The following CHRM2 variants were observed in gnomAD, a reference collection of about 807,000 sequenced individuals.
CHRM2 encodes muscarinic acetylcholine receptor M2.
A neutral mutation model predicts 25.0 loss-of-function variants in CHRM2; 8 were observed. The observed-to-expected ratio is 0.32, with a 90% CI of 0.19 to 0.58. The LOEUF (loss-of-function observed/expected upper bound fraction) is 0.58, where lower values mean the gene tolerates loss of function less well. CHRM2 is among the 20% of genes least tolerant of loss of function. The pLI, the probability that CHRM2 is intolerant of heterozygous loss-of-function variation, is 0.88. For missense variants in CHRM2, 440 were observed against 567.1 expected (o/e 0.78, Z 2.28); for synonymous variants, 202 against 205.7 (o/e 0.98, Z 0.15).
chr7:136,894,983 G>T (rs1294371555), intron 2 of CHRM2, among the ~76,000 whole-genome samples: 2 of 151,996 alleles, frequency 1.3e-5, no homozygotes, highest in Non-Finnish European at 2.9e-5. Context: ...TTTCCCCCGA[G>T]TCAGCATTCT....
At chr7:136,885,916 A>G (rs1796444963) in intron 2 of CHRM2, among the ~76,000 whole-genome samples, 1 of 152,168 alleles carries the variant, frequency 6.6e-6, no homozygotes, top group South Asian at 2.1e-4. Context: ...GAACATTCAG[A>G]GTCCCGTACG....
chr7:136,891,683 T>G (rs1463047499), intron 2 of CHRM2, among the ~76,000 whole-genome samples: 1 of 152,210 alleles, frequency 6.6e-6, no homozygotes, highest in African/African-American at 2.4e-5. Context: ...TACACTTGTT[T>G]GCCTTTATGT....
At chr7:136,887,832 T>C (rs776128967) in intron 2 of CHRM2, among the ~76,000 whole-genome samples, 1 of 152,162 alleles carries the variant, frequency 6.6e-6, no homozygotes, top group Non-Finnish European at 1.5e-5. Flanking sequence ...CTTGAAAATG[T>C]CTTGTGATCA....
chr7:136,944,220 C>T (rs536075263), intron 2 of CHRM2, among the ~76,000 whole-genome samples: 1 of 152,054 alleles, frequency 6.6e-6, no homozygotes, highest in African/African-American at 2.4e-5. Context: ...CCCAATGTGT[C>T]GTCTTTTATT....
At chr7:136,979,796 T>C (rs1049363544) in intron 2 of CHRM2, among the ~76,000 whole-genome samples, 3 of 152,160 alleles carry the variant, frequency 2.0e-5, no homozygotes, top group Non-Finnish European at 2.9e-5. Context: ...TTCTGTTCCA[T>C]TGGTCTATAT....
intron 3 of CHRM2, among the ~76,000 whole-genome samples, chr7:136,993,884 T>C (rs573860929): frequency 1.3e-5 from 2 of 152,168 alleles, no homozygotes; most frequent in South Asian, 2.1e-4. Context: ...ATAGAAATCA[T>C]AGCCATCAAC....
chr7:136,885,104 A>C (rs138079453), intron 2 of CHRM2, among the ~76,000 whole-genome samples: 1 of 152,240 alleles, frequency 6.6e-6, no homozygotes, highest in African/African-American at 2.4e-5. Flanking sequence ...ACTTGCTTCA[A>C]TCTTTTTAGA....
intron 3 of CHRM2, among the ~76,000 whole-genome samples, chr7:136,993,572 G>C (rs1169142956): frequency 6.6e-6 from 1 of 152,200 alleles, no homozygotes; most frequent in African/African-American, 2.4e-5. Context: ...AGAAGTGCCA[G>C]AGATGGCCAT....
At chr7:136,886,271 G>A (rs565714883) in intron 2 of CHRM2, among the ~76,000 whole-genome samples, 1 of 152,320 alleles carries the variant, frequency 6.6e-6, no homozygotes, top group African/African-American at 2.4e-5. Context: ...AAAACACCGA[G>A]TGATAGTTCT....
intron 3 of CHRM2, among the ~76,000 whole-genome samples, chr7:136,999,929 GTTA>G (rs1803873180): frequency 6.6e-6 from 1 of 152,022 alleles, no homozygotes; most frequent in Non-Finnish European, 1.5e-5. Flanking sequence ...CATGAAAATT[GTTA>G]TTATATGGAA....
rs1805293600 is a variant in CHRM2, at chr7:137,018,585, G to A, written c.*2319G>A. ...GGCTTCAGTTGGGAAGAACCCTTTG[G>A]CATCCAGGATTCAGGATTCAGGGTC... On this transcript the variant is annotated 3_prime_UTR_variant, in exon 4 of 4. Coordinates refer to ENST00000680005, the MANE Select transcript of CHRM2 (RefSeq NM_001006630.2). 1 of 151,704 alleles carries A rather than the reference G, an allele frequency of 6.6e-6. No individual in the cohort carries two copies. The highest frequency in any genetic ancestry group is 2.1e-4 in the South Asian group (1 of 4,824). The allele number at this position is 151,704 out of a possible 1,614,324, so 9.4% of individuals were successfully genotyped here. A position where few individuals can be genotyped will look rare whatever the true frequency, so the allele number is the denominator to read the frequency against.
At chr7:136,956,929 G>A (rs924744999) in intron 2 of CHRM2, among the ~76,000 whole-genome samples, 5 of 151,928 alleles carry the variant, frequency 3.3e-5, no homozygotes, top group Non-Finnish European at 5.9e-5. Flanking sequence ...TAGCAAACAC[G>A]CTTGAAGGCT....
intron 2 of CHRM2, among the ~76,000 whole-genome samples, chr7:136,974,860 A>G (rs1802011825): frequency 6.6e-6 from 1 of 152,174 alleles, no homozygotes; most frequent in Admixed American, 6.5e-5. Context: ...AGCCAGGGAG[A>G]CCTGTTGGGT....
chr7:137,014,878 A>G lies in CHRM2; in HGVS notation c.13A>G (p.Thr5Ala). 6.2e-7 allele frequency: 1 copy of G among 1,613,084 alleles called. No homozygotes were observed. The highest frequency in any genetic ancestry group is 1.1e-5 in the South Asian group (1 of 91,066). ...TAGAGAACGCAAAATGAATAACTCA[A>G]CAAACTCCTCTAACAATAGCCTGGC... MNNS[T>A]NSSNNSLALT... Residue 5 changes from threonine (T) to alanine (A), a missense_variant, in exon 4 of 4, where the codon ACA becomes GCA. Thr to Ala is a moderately conservative substitution (Grantham distance 58). Transcript: ENST00000680005.
intron 2 of CHRM2, among the ~76,000 whole-genome samples, chr7:136,888,239 C>T (rs972393638): frequency 1.3e-5 from 2 of 152,202 alleles, no homozygotes; most frequent in African/African-American, 4.8e-5. Context: ...ATCATGAAAC[C>T]TAAGAAAGGC....
At chr7:136,985,820 C>G (rs1298122058) in intron 2 of CHRM2, among the ~76,000 whole-genome samples, 1 of 152,112 alleles carries the variant, frequency 6.6e-6, no homozygotes, top group Non-Finnish European at 1.5e-5. Context: ...ACTGGCAAGA[C>G]CTCTGAGTAA....
intron 3 of CHRM2, among the ~76,000 whole-genome samples, chr7:137,000,194 C>CTTTTTTTTTTTTTTTTTTT (rs57283576): frequency 1.4e-5 from 1 of 73,316 alleles, no homozygotes; most frequent in Admixed American, 2.1e-4. Context: ...CTTTTTCTTT[C>CTTTTTTTTTTTTTTTTTTT]TTTTTTTTTT....
In CHRM2 at chr7:137,014,884, T is replaced by C. The variant is rs1192849106; in HGVS notation, c.19T>C (p.Ser7Pro). The C allele has an allele frequency of 6.2e-7, 1 of 1,613,038 alleles. No homozygotes were observed. Among genetic ancestry groups the C allele is most frequent in the South Asian group, 1.1e-5 (1 of 91,068 alleles). The change falls in exon 4 of 4, where the codon TCC becomes CCC. Residue 7 changes from serine to proline, a missense_variant. This residue lies in a region of CHRM2 where 86 missense variants were observed against 124.9 expected (regional missense o/e 0.69). Transcript: ENST00000680005. MNNSTN[S>P]SNNSLALTSP... ...ACGCAAAATGAATAACTCAACAAACTCCTCTAACAATAGCCTGGCTCTTAC... is the reference window on the plus strand; with the variant it reads ...ACGCAAAATGAATAACTCAACAAACCCCTCTAACAATAGCCTGGCTCTTAC...
chr7:136,924,615 G>A (rs958240250), intron 2 of CHRM2, among the ~76,000 whole-genome samples: 2 of 152,118 alleles, frequency 1.3e-5, no homozygotes, highest in Admixed American at 6.5e-5. Flanking sequence ...GTTGGGATCA[G>A]TAAATGTAAA....
Sources: allele counts gnomAD v4.1 joint callset (sites outside exome capture counted in the v4.1 genomes callset), GRCh38; gene constraint gnomAD v4.1.1; regional missense constraint gnomAD v4.1.1; transcripts MANE v1.5; gene names NCBI Gene and HGNC (gene_info 2026-07-23, HGNC 2026-07-21).